SYTL5: variants seen among roughly 807,000 people sequenced by gnomAD.
SYTL5 encodes the protein synaptotagmin-like protein 5.
SYTL5 carries 34 observed loss-of-function variants against 55.9 expected under a neutral mutation model. The ratio of observed to expected loss-of-function variants is 0.61; its 90% confidence interval spans 0.46 to 0.81. The LOEUF is 0.81. Ranked by LOEUF, SYTL5 falls within the 30% of genes least tolerant of loss-of-function variation. The pLI is 0.00. For synonymous variants in SYTL5, 221 were observed against 188.7 expected (o/e 1.17, Z -1.40); for missense variants, 637 against 546.7 (o/e 1.17, Z -1.65).
At chrX:38,100,462 C>A (rs1203938822) in intron 9 of SYTL5, among the ~76,000 whole-genome samples, 1 of 111,303 alleles carries the variant, frequency 9.0e-6, no homozygotes, top group Non-Finnish European at 1.9e-5. Flanking sequence ...TGACAACTTA[C>A]CATAAACCAA....
At chrX:37,944,067 A>C in the SYTL5 span, among the ~76,000 whole-genome samples, 1 of 110,524 alleles carries the variant, frequency 9.0e-6, no homozygotes, top group Non-Finnish European at 1.9e-5. Context: ...CTTATATGTC[A>C]AGCAGAAGCC....
intron 2 of SYTL5, among the ~76,000 whole-genome samples, chrX:38,049,071 C>T (rs1935554553): frequency 9.0e-6 from 1 of 111,450 alleles, no homozygotes; most frequent in Non-Finnish European, 1.9e-5. Context: ...GTGCAGGCAT[C>T]AGAATCAGGC....
At chrX:37,961,660 G>A in the SYTL5 span, among the ~76,000 whole-genome samples, 2 of 111,707 alleles carry the variant, frequency 1.8e-5, no homozygotes, top group African/African-American at 3.3e-5. Flanking sequence ...TAATTTACAT[G>A]CTTTGCATAA....
At chrX:37,981,310 T>C in the SYTL5 span, among the ~76,000 whole-genome samples, 1 of 111,431 alleles carries the variant, frequency 9.0e-6, no homozygotes, top group East Asian at 2.8e-4. Flanking sequence ...AAATTTTATT[T>C]TTGTTTTATT....
At chrX:37,984,248 A>G in the SYTL5 span, among the ~76,000 whole-genome samples, 22 of 111,986 alleles carry the variant, frequency 2.0e-4, 1 homozygote, top group Admixed American at 1.9e-3. Flanking sequence ...TTTTAGCTAG[A>G]TAATAAAAAA....
the SYTL5 span, among the ~76,000 whole-genome samples, chrX:37,971,114 G>A: frequency 2.0e-5 from 2 of 102,081 alleles, no homozygotes; most frequent in Admixed American, 1.1e-4. Flanking sequence ...ATTAATTAGA[G>A]CTCTTTACAT....
chrX:38,094,602 T>C (rs1936880692), intron 8 of SYTL5, among the ~76,000 whole-genome samples, 178 bp downstream of exon 8: 1 of 111,870 alleles, frequency 8.9e-6, no homozygotes, highest in Admixed American at 9.5e-5. Flanking sequence ...AGGTAAAGCT[T>C]TGGGCACCTT....
intron 14 of SYTL5, among the ~76,000 whole-genome samples, chrX:38,121,250 G>A (rs750454767): frequency 7.2e-5 from 8 of 111,811 alleles, no homozygotes; most frequent in Non-Finnish European, 1.3e-4. Context: ...CTCGCACCAG[G>A]CCCCACCTCC....
rs1444483611 is a variant in SYTL5 at position 38,069,186 on chromosome X, G to T, written c.330-2861G>T. Among the ~76,000 whole-genome samples, 6 of 111,432 alleles carry T rather than the reference G, an allele frequency of 5.4e-5. No homozygotes were observed. The South Asian group carries it at 2.3e-3, about 42-fold the overall frequency. ...ATGCAATTTCCTGAGTTGAATATTA[G>T]AACAAATATATTTCTATGTTAACTT... is the stretch of plus-strand genomic sequence containing the variant. On this transcript the variant is annotated intron_variant, in intron 3 of 16. Coordinates refer to ENST00000297875, the MANE Select transcript of SYTL5 (RefSeq NM_138780.3).
At chrX:37,925,812 G>A in the SYTL5 span, among the ~76,000 whole-genome samples, 3 of 110,867 alleles carry the variant, frequency 2.7e-5, no homozygotes, top group African/African-American at 9.8e-5. Flanking sequence ...ATGCCTTTGC[G>A]TCCTCATAAC....
rs751912531 is a variant in SYTL5 at position 38,072,098 on chromosome X, T to C, written c.381T>C (p.Arg127=). Residue 127 remains arginine (R), a synonymous_variant, in exon 4 of 17, where the codon CGT becomes CGC. Coordinates refer to ENST00000297875, the MANE Select transcript of SYTL5 (RefSeq NM_138780.3). ...GEWFFEEKAK[R]FKQVNVLGTD... Reference sequence around the variant, plus strand: ...GGTTTTTTGAAGAAAAGGCAAAACGTTTCAAGCAAGTCAATGTTCTCGGCA... The same window carrying C: ...GGTTTTTTGAAGAAAAGGCAAAACGCTTCAAGCAAGTCAATGTTCTCGGCA... The C allele has an allele frequency of 1.7e-6, 2 of 1,210,912 alleles. No homozygotes were observed. The highest frequency in any genetic ancestry group is 3.0e-5 in the East Asian group (1 of 33,816).
At chrX:37,920,083 A>G in the SYTL5 span, among the ~76,000 whole-genome samples, 1 of 111,437 alleles carries the variant, frequency 9.0e-6, no homozygotes, top group Non-Finnish European at 1.9e-5. Context: ...GGATCAAAAG[A>G]TATTCTGATG....
the SYTL5 span, among the ~76,000 whole-genome samples, chrX:37,902,345 C>A: frequency 6.3e-5 from 7 of 111,966 alleles, no homozygotes; most frequent in Non-Finnish European, 1.1e-4. Flanking sequence ...CTATTGGTTT[C>A]TTGCATGTTT....
intron 12 of SYTL5, among the ~76,000 whole-genome samples, 184 bp downstream of exon 12, chrX:38,108,883 C>T (rs138735826): frequency 3.7e-4 from 42 of 112,378 alleles, no homozygotes; most frequent in African/African-American, 1.3e-3. Context: ...AAAGAAAACA[C>T]TCTTACTCTA....
chrX:38,070,439 C>G (rs1374306883), intron 3 of SYTL5, among the ~76,000 whole-genome samples: 2 of 110,850 alleles, frequency 1.8e-5, no homozygotes, highest in African/African-American at 6.6e-5. Flanking sequence ...CTTTACTCCT[C>G]ACCTCCATGA....
intron 1 of SYTL5, among the ~76,000 whole-genome samples, chrX:38,018,846 C>G (rs1184938849): frequency 9.0e-6 from 1 of 111,608 alleles, no homozygotes; most frequent in Non-Finnish European, 1.9e-5. Flanking sequence ...TAAAACGTCC[C>G]AAAAGTGACT....
chrX:38,055,354 C>T (rs993829973), intron 3 of SYTL5, among the ~76,000 whole-genome samples: 1 of 111,542 alleles, frequency 9.0e-6, no homozygotes. Flanking sequence ...GGGTGAAAGC[C>T]AAGAGTCATT....
intron 6 of SYTL5, among the ~76,000 whole-genome samples, chrX:38,079,183 C>T (rs1256780965): frequency 1.8e-5 from 2 of 111,672 alleles, no homozygotes. Flanking sequence ...ATTGCCTGAC[C>T]CAGCTTACTA....
In SYTL5 at chrX:38,024,743, T is replaced by C. The variant is rs1934696191; in HGVS notation, c.-356-8791T>C. ...GGATTAGTTGAATAAGTGTTAGTGG[T>C]TATTATTTGGAGCATTCTGAGGATA... On this transcript the variant is annotated intron_variant, in intron 1 of 16. Transcript: ENST00000297875. 4.5e-5 allele frequency among the ~76,000 whole-genome samples: 5 copies of C among 111,658 alleles called. No individual in the cohort carries two copies. In the Admixed American group the frequency reaches 4.8e-4, roughly 11 times the overall value.
Sources: gnomAD v4.1 joint callset for allele counts (sites outside exome capture counted in the v4.1 genomes callset) on GRCh38, gnomAD v4.1.1 for gene constraint, MANE v1.5 for transcripts, NCBI Gene and HGNC (gene_info 2026-07-23, HGNC 2026-07-21) for gene names.